OGFRL1: variants seen among roughly 807,000 people sequenced by gnomAD.
The protein encoded by OGFRL1 is opioid growth factor receptor-like protein 1.
OGFRL1 carries 26 observed loss-of-function variants against 32.4 expected under a neutral mutation model. The observed-to-expected ratio is 0.80, with a 90% CI of 0.59 to 1.11. The LOEUF (loss-of-function observed/expected upper bound fraction) is 1.11, where lower values mean the gene tolerates loss of function less well. Ranked by LOEUF, OGFRL1 falls within the 50% of genes most tolerant of loss-of-function variation. The pLI is 0.00. For missense variants in OGFRL1, 521 were observed against 546.4 expected, an observed-to-expected ratio of 0.95 and a Z score of 0.46; for synonymous variants, 211 against 201.2, an observed-to-expected ratio of 1.05 and a Z score of -0.41.
rs140031956 is a variant in OGFRL1, at chr6:71,292,181, A to G, written c.235-1112A>G. Among the ~76,000 whole-genome samples the G allele has an allele frequency of 2.8e-3, 426 of 152,328 alleles. 5 individuals are homozygous for G. Among genetic ancestry groups the G allele is most frequent in the African/African-American group, 1.0e-2 (415 of 41,580 alleles). ...TATCTCAGGCTAAATAGATTCAGAA[A>G]CTTGCTAGGCAGAGCTATTTTGAAA... On this transcript the variant is annotated intron_variant, in intron 1 of 6. Coordinates refer to ENST00000370435, the MANE Select transcript of OGFRL1 (RefSeq NM_024576.5).
At chr6:71,294,224 A>C (rs1766136023) in intron 3 of OGFRL1, among the ~76,000 whole-genome samples, 1 of 152,084 alleles carries the variant, frequency 6.6e-6, no homozygotes, top group African/African-American at 2.4e-5. Context: ...CCATAGTGAG[A>C]AGATGCAGCT....
In OGFRL1 at chr6:71,288,869, GC is replaced by G; in HGVS notation, c.-65del. The stretch of plus-strand genomic sequence containing the variant: ...GCGCCCTCGCCGCGGCCATGCCCGG[GC>G]CCTAGAGCGCCTGCCGCAGCTTGCG... On this transcript the variant is annotated 5_prime_UTR_variant, in exon 1 of 7. The change abolishes the stop of an existing upstream ORF in the 5' untranslated region. Transcript: ENST00000370435. The G allele has an allele frequency of 8.8e-7, 1 of 1,134,838 alleles. No individual in the cohort carries two copies. The highest frequency in any genetic ancestry group is 1.1e-6 in the Non-Finnish European group (1 of 914,722). 70.3% of individuals were successfully genotyped at this position (1,134,838 alleles called of 1,614,324 possible). A position where few individuals can be genotyped will look rare whatever the true frequency, so the allele number is the denominator to read the frequency against.
chr6:71,296,988 A>T (rs1247131365), intron 6 of OGFRL1, among the ~76,000 whole-genome samples, 171 bp downstream of exon 6: 1 of 152,072 alleles, frequency 6.6e-6, no homozygotes, highest in Non-Finnish European at 1.5e-5. Flanking sequence ...AACAAAACAA[A>T]ACAACAACAA....
At chr6:71,293,121 GA>G (rs1766097619) in intron 1 of OGFRL1, among the ~76,000 whole-genome samples, 171 bp from the exon 2 acceptor site, 1 of 152,124 alleles carries the variant, frequency 6.6e-6, no homozygotes. Context: ...AGGATGCTAA[GA>G]AATATTGCTA....
intron 6 of OGFRL1, among the ~76,000 whole-genome samples, chr6:71,298,460 T>G (rs1766282865): frequency 6.6e-6 from 1 of 152,218 alleles, no homozygotes. Context: ...GCTTAATAAA[T>G]TTTTATTGAA....
rs1414980278 is a variant in OGFRL1 at position 71,306,595 on chromosome 6, TTAGG to T, written c.*4548_*4551del. The T allele has an allele frequency of 1.3e-5, 2 of 152,158 alleles. No homozygotes were observed. The highest frequency in any genetic ancestry group is 3.8e-4 in the East Asian group (2 of 5,200). The allele number at this position is 152,158 out of a possible 1,614,324, so 9.4% of individuals were successfully genotyped here. On this transcript the variant is annotated 3_prime_UTR_variant, in exon 7 of 7. Transcript: ENST00000370435. ...TGAATATCAGTTCTTTTAATGAAATTTAGGTGGTGCTTTATCATTTTGGAGAAGT... is the reference window on the plus strand; with the variant it reads ...TGAATATCAGTTCTTTTAATGAAATTTGGTGCTTTATCATTTTGGAGAAGT...
Position 71,308,198 on chromosome 6 carries a change from A to C in OGFRL1, c.*6149A>C, listed in dbSNP as rs545608120. On this transcript the variant is annotated 3_prime_UTR_variant, in exon 7 of 7. Transcript: ENST00000370435. ...AGTTAAGTTGATGGTCTGGCTGCAG[A>C]TAAGAGAAAGACTCAGTGATAGGTG... is the stretch of plus-strand genomic sequence containing the variant. The C allele has an allele frequency of 6.6e-6, 1 of 152,366 alleles. No individual in the cohort carries two copies. Among genetic ancestry groups the C allele is most frequent in the South Asian group, 2.1e-4 (1 of 4,830 alleles). The allele number at this position is 152,366 out of a possible 1,614,324, so 9.4% of individuals were successfully genotyped here.
chr6:71,301,807 G>C lies in OGFRL1; in HGVS notation c.1114G>C (p.Glu372Gln), dbSNP rs778568465. The change falls in exon 7 of 7, where the codon GAG (glutamate) becomes CAG (glutamine). Residue 372 changes from glutamate to glutamine, a missense_variant. By Grantham distance (29) the Glu-to-Gln change is conservative. Coordinates refer to ENST00000370435, the MANE Select transcript of OGFRL1 (RefSeq NM_024576.5). The stretch of plus-strand genomic sequence containing the variant: ...TGAAGACAAAAAAGTGGCACCAAAA[G>C]AGCCTGTGGAAGAGACAGACAGGCC... ...TAEDKKVAPK[E>Q]PVEETDRPSP... 6.2e-7 allele frequency: 1 copy of C among 1,613,304 alleles called. No homozygotes were observed. The highest frequency in any genetic ancestry group is 8.5e-7 in the Non-Finnish European group (1 of 1,179,848).
chr6:71,303,612 AAT>A lies in OGFRL1; in HGVS notation c.*1566_*1567del, dbSNP rs1226270264. 1 of 152,210 alleles carries A rather than the reference AAT, an allele frequency of 6.6e-6. No individual in the cohort carries two copies. The highest frequency in any genetic ancestry group is 2.4e-5 in the African/African-American group (1 of 41,454). The allele number at this position is 152,210 out of a possible 1,614,324, so 9.4% of individuals were successfully genotyped here. On this transcript the variant is annotated 3_prime_UTR_variant, in exon 7 of 7. Transcript: ENST00000370435. The stretch of plus-strand genomic sequence containing the variant: ...CAAGACAGTAGTCCCTTAAACCATG[AAT>A]ATGTCAGTGTTCTATGGATTACGAA...
At chr6:71,289,797 C>T (rs1457163291) in intron 1 of OGFRL1, 43 of 985,300 alleles carry the variant, frequency 4.4e-5, no homozygotes, top group Non-Finnish European at 5.2e-5. Context: ...TTGACTAATA[C>T]AGCTTGGAGG....
intron 1 of OGFRL1, chr6:71,292,045 T>A (rs1335371892): frequency 1.3e-5 from 2 of 152,210 alleles, no homozygotes; most frequent in Non-Finnish European, 2.9e-5. Context: ...TCAAATGAAA[T>A]AATGCCTTTT....
chr6:71,294,916 ACT>A (rs1344851677), intron 3 of OGFRL1, among the ~76,000 whole-genome samples: 8 of 152,160 alleles, frequency 5.3e-5, no homozygotes, highest in Non-Finnish European at 1.2e-4. Flanking sequence ...ATAGTATTTA[ACT>A]CTATTTTTTT....
intron 3 of OGFRL1, 79 bp downstream of exon 3, chr6:71,293,690 C>T: frequency 3.9e-6 from 4 of 1,025,172 alleles, no homozygotes; most frequent in Non-Finnish European, 5.9e-6. Flanking sequence ...TGGTTTGTTT[C>T]ATTGATTGGA....
At position 71,308,616 on chromosome 6, in the gene OGFRL1, T is replaced by C. The variant is rs1349126298; in HGVS notation, c.*6567T>C. On this transcript the variant is annotated 3_prime_UTR_variant, in exon 7 of 7. Coordinates refer to ENST00000370435, the MANE Select transcript of OGFRL1 (RefSeq NM_024576.5). ...TGCTGTGCATGTTCGTTAGTACCAA[T>C]ACCATGTGTATGTGGTAGAAGTTGT... 1 of 152,200 alleles carries C rather than the reference T, an allele frequency of 6.6e-6. No homozygotes were observed. Among genetic ancestry groups the C allele is most frequent in the Non-Finnish European group, 1.5e-5 (1 of 68,022 alleles). 9.4% of individuals were successfully genotyped at this position (152,200 alleles called of 1,614,324 possible).
intron 6 of OGFRL1, among the ~76,000 whole-genome samples, chr6:71,298,777 T>G (rs1336282550): frequency 1.3e-5 from 2 of 152,208 alleles, no homozygotes; most frequent in Non-Finnish European, 2.9e-5. Flanking sequence ...CTGACTAGAT[T>G]TGAACAAATG....
chr6:71,298,714 A>T (rs1420381777), intron 6 of OGFRL1, among the ~76,000 whole-genome samples: 1 of 152,188 alleles, frequency 6.6e-6, no homozygotes, highest in Non-Finnish European at 1.5e-5. Context: ...CTGCCTTAGA[A>T]TCTGCCAGAA....
Position 71,288,920 on chromosome 6 carries a change from C to G in OGFRL1, c.-17C>G. ...GCCCCGCAGCCCCGCAGCCCCGCGC[C>G]CGCCGCCGCCTCTTCAATGGGCAAC... On this transcript the variant is annotated 5_prime_UTR_variant, in exon 1 of 7. Coordinates refer to ENST00000370435, the MANE Select transcript of OGFRL1 (RefSeq NM_024576.5). 1 of 1,321,898 alleles carries G rather than the reference C, an allele frequency of 7.6e-7. No individual in the cohort carries two copies. Among genetic ancestry groups the G allele is most frequent in the South Asian group, 1.4e-5 (1 of 71,832 alleles). The allele number at this position is 1,321,898 out of a possible 1,614,324, so 81.9% of individuals were successfully genotyped here.
rs759194705 is a variant in OGFRL1 at position 71,305,320 on chromosome 6, CAT to C, written c.*3275_*3276del. The C allele has an allele frequency of 6.6e-6, 1 of 151,914 alleles. No individual in the cohort carries two copies. Among genetic ancestry groups the C allele is most frequent in the Non-Finnish European group, 1.5e-5 (1 of 67,904 alleles). The allele number at this position is 151,914 out of a possible 1,614,324, so 9.4% of individuals were successfully genotyped here. ...ACTATTTTTAAATACTGTAAAGTGA[CAT>C]ATAGTTATAAGATATATTTCTGTAC... On this transcript the variant is annotated 3_prime_UTR_variant, in exon 7 of 7. Transcript: ENST00000370435.
At chr6:71,299,628 A>C (rs1305533763) in intron 6 of OGFRL1, among the ~76,000 whole-genome samples, 3 of 152,102 alleles carry the variant, frequency 2.0e-5, no homozygotes, top group Non-Finnish European at 4.4e-5. Flanking sequence ...CTTTTTATAC[A>C]TCTTTTTCTC....
Sources: gnomAD v4.1 joint callset for allele counts (sites outside exome capture counted in the v4.1 genomes callset) on GRCh38, gnomAD v4.1.1 for gene constraint, MANE v1.5 for transcripts, NCBI Gene and HGNC (gene_info 2026-07-23, HGNC 2026-07-21) for gene names.